Variants in CYP1A2 observed in about 807,000 individuals in gnomAD.
The protein encoded by CYP1A2 is cytochrome P450 family 1 subfamily A member 2, also known as cytochrome P450 1A2.
Under a neutral mutation model 34.7 loss-of-function variants are expected in CYP1A2, and 35 were observed. The ratio of observed to expected loss-of-function variants is 1.01; its 90% CI spans 0.77 to 1.34. The LOEUF (loss-of-function observed/expected upper bound fraction) is 1.34, where lower values mean the gene tolerates loss of function less well. Among genes scored for constraint, CYP1A2 ranks in the 40% most tolerant of loss-of-function variants. The pLI is 0.00. For missense variants in CYP1A2, 675 were observed against 675.8 expected, an observed-to-expected ratio of 1.00 and a Z score of 0.01; for synonymous variants, 288 against 281.9, an observed-to-expected ratio of 1.02 and a Z score of -0.22.
chr15:74,755,152 G>A lies in CYP1A2; in HGVS notation c.*64G>A. Reference sequence around the variant, plus strand: ...GGCCAGCCACGGGGACTCAGCCCTTGTTTCTCTTCCTTTCTTTTTTTAAAA... The same window carrying A: ...GGCCAGCCACGGGGACTCAGCCCTTATTTCTCTTCCTTTCTTTTTTTAAAA... On this transcript the variant is annotated 3_prime_UTR_variant, in exon 7 of 7. Transcript: ENST00000343932. 6.5e-7 allele frequency: 1 copy of A among 1,532,056 alleles called. No homozygotes were observed. Among genetic ancestry groups the A allele is most frequent in the Middle Eastern group, 2.3e-4 (1 of 4,344 alleles). The allele number at this position is 1,532,056 out of a possible 1,614,324, so 94.9% of individuals were successfully genotyped here.
chr15:74,752,264 C>T lies in CYP1A2; in HGVS notation c.1166+17C>T. 1 of 1,613,274 alleles carries T rather than the reference C, an allele frequency of 6.2e-7. No individual in the cohort carries two copies. Among genetic ancestry groups the T allele is most frequent in the Non-Finnish European group, 8.5e-7 (1 of 1,179,546 alleles). ...CCCCCACAGGTGAGGCCTGCCGGTT[C>T]TGCCCTCCCACCTCTAAAGTGCTTG... On this transcript the variant is annotated intron_variant, in intron 5 of 6. Coordinates refer to ENST00000343932, the MANE Select transcript of CYP1A2 (RefSeq NM_000761.5).
intron 2 of CYP1A2, among the ~76,000 whole-genome samples, chr15:74,750,805 G>A (rs1196851838): frequency 6.6e-6 from 1 of 152,146 alleles, no homozygotes; most frequent in African/African-American, 2.4e-5. Flanking sequence ...AAAAGCCCTG[G>A]AAATGGGGCC....
chr15:74,749,582 C>T (rs1484476862), intron 1 of CYP1A2, 148 bp from the exon 2 acceptor site: 15 of 657,108 alleles, frequency 2.3e-5, no homozygotes, highest in East Asian at 1.1e-4. Context: ...GGGCCCAGGA[C>T]GCATGGTAGA....
chr15:74,750,378 G>A lies in CYP1A2; in HGVS notation c.640G>A (p.Asp214Asn), dbSNP rs747544962. ...CFGQHFPESS[D>N]EMLSLVKNTH... ...CGGACAGCACTTCCCTGAGAGTAGC[G>A]ATGAGATGCTCAGCCTCGTGAAGAA... The change falls in exon 2 of 7, where the codon GAT becomes AAT. Residue 214 changes from aspartate to asparagine, a missense_variant. By Grantham distance (23) the Asp-to-Asn change is conservative. Transcript: ENST00000343932. The A allele has an allele frequency of 3.7e-6, 6 of 1,614,066 alleles. No homozygotes were observed. The highest frequency in any genetic ancestry group is 1.6e-4 in the Middle Eastern group (1 of 6,084).
rs774018071 is a variant in CYP1A2, at chr15:74,750,328, C to T, written c.590C>T (p.Ala197Val). ...TACAATCAGGTGGTGGTGTCAGTGG[C>T]CAACGTCATTGGTGCCATGTGCTTC... ...DPYNQVVVSV[A>V]NVIGAMCFGQ... The change falls in exon 2 of 7, where the codon GCC becomes GTC. Residue 197 changes from alanine to valine, a missense_variant. Physicochemically the swap from Ala to Val is moderately conservative, Grantham distance 64. Transcript: ENST00000343932. 6.2e-7 allele frequency: 1 copy of T among 1,614,002 alleles called. No homozygotes were observed. The highest frequency in any genetic ancestry group is 1.1e-5 in the South Asian group (1 of 91,072).
chr15:74,752,383 C>A, intron 5 of CYP1A2, 136 bp downstream of exon 5: 1 of 1,243,828 alleles, frequency 8.0e-7, no homozygotes, highest in Non-Finnish European at 1.1e-6. Context: ...CAGTCTGCCC[C>A]CATCCAGTCC....
intron 4 of CYP1A2, 90 bp downstream of exon 4, chr15:74,751,944 G>A (rs978066753): frequency 6.3e-5 from 96 of 1,518,964 alleles, no homozygotes; most frequent in Non-Finnish European, 8.1e-5. Context: ...TGTGCCTGCT[G>A]TGTGCAAGCC....
At chr15:74,749,508 G>T (rs1439387732) in intron 1 of CYP1A2, among the ~76,000 whole-genome samples, 1 of 152,184 alleles carries the variant, frequency 6.6e-6, no homozygotes, top group African/African-American at 2.4e-5. Context: ...CAGCGTTCAT[G>T]TTGGGAATCT....
chr15:74,753,344 C>T, intron 6 of CYP1A2, 74 bp downstream of exon 6: 1 of 1,216,942 alleles, frequency 8.2e-7, no homozygotes, highest in Admixed American at 1.8e-5. Flanking sequence ...CTGCTAGGAA[C>T]TGTTTATATA....
intron 6 of CYP1A2, among the ~76,000 whole-genome samples, chr15:74,753,951 GT>G (rs2141740949): frequency 6.6e-6 from 1 of 152,200 alleles, no homozygotes; most frequent in African/African-American, 2.4e-5. Flanking sequence ...TGCTATCAAT[GT>G]TTATGCTAGT....
chr15:74,751,209 G>T lies in CYP1A2; in HGVS notation c.852G>T (p.Thr284=). The T allele has an allele frequency of 1.2e-6, 2 of 1,614,064 alleles. No homozygotes were observed. The highest frequency in any genetic ancestry group is 1.7e-6 in the Non-Finnish European group (2 of 1,179,988). ...CTCAGAACAGTGTCCGGGACATCAC[G>T]GGTGCCCTGTTCAAGCACAGCAAGA... The part of the protein sequence containing the change: ...DFDKNSVRDI[T]GALFKHSKKG... Residue 284 remains threonine (T), a synonymous_variant, in exon 3 of 7, where the codon ACG becomes ACT. Coordinates refer to ENST00000343932, the MANE Select transcript of CYP1A2 (RefSeq NM_000761.5).
At position 74,750,473 on chromosome 15, in the gene CYP1A2, G is replaced by A. The variant is rs778744251; in HGVS notation, c.735G>A (p.Leu245=). ...PLDFFPILRY[L]PNPALQRFKA... ...ACTTCTTCCCCATCCTTCGCTACCT[G>A]CCTAACCCTGCCCTGCAGAGGTTCA... Residue 245 remains leucine (L), a synonymous_variant, in exon 2 of 7, where the codon CTG becomes CTA. Transcript: ENST00000343932. 5.6e-6 allele frequency: 9 copies of A among 1,614,194 alleles called. No homozygotes were observed. Among genetic ancestry groups the A allele is most frequent in the South Asian group, 2.2e-5 (2 of 91,086 alleles).
chr15:74,754,376 A>G (rs1596359090), intron 6 of CYP1A2, among the ~76,000 whole-genome samples: 2 of 146,552 alleles, frequency 1.4e-5, no homozygotes, highest in South Asian at 4.5e-4. Context: ...AGTCCGAGGA[A>G]GGTGGATCGC....
chr15:74,754,814 A>T lies in CYP1A2; in HGVS notation c.1277A>T (p.Glu426Val). 4 of 1,612,780 alleles carry T rather than the reference A, an allele frequency of 2.5e-6. No individual in the cohort carries two copies. Among genetic ancestry groups the T allele is most frequent in the Non-Finnish European group, 3.4e-6 (4 of 1,178,882 alleles). Residue 426 changes from glutamate (E) to valine (V), a missense_variant, in exon 7 of 7, where the codon GAG (glutamate) becomes GTG (valine). Coordinates refer to ENST00000343932, the MANE Select transcript of CYP1A2 (RefSeq NM_000761.5). ...AGAGAGCTGTGGGAGGACCCCTCTG[A>T]GTTCCGGCCTGAGCGGTTCCTCACC... ...HDPELWEDPSEFRPERFLTAD... is the reference protein window; with the variant it reads ...HDPELWEDPSVFRPERFLTAD...
rs1252415879 is a variant in CYP1A2 at position 74,754,987 on chromosome 15, C to T, written c.1450C>T (p.Pro484Ser). Reference sequence around the variant, plus strand: ...GCTACAGCAACTGGAGTTCAGCGTGCCGCCGGGCGTGAAAGTCGACCTGAC... The same window carrying T: ...GCTACAGCAACTGGAGTTCAGCGTGTCGCCGGGCGTGAAAGTCGACCTGAC... ...ILLQQLEFSV[P>S]PGVKVDLTPI... The change falls in exon 7 of 7, where the codon CCG (proline) becomes TCG (serine). Residue 484 changes from proline (P) to serine (S), a missense_variant. By Grantham distance (74) the Pro-to-Ser change is moderately conservative (BLOSUM62 -1). Coordinates refer to ENST00000343932, the MANE Select transcript of CYP1A2 (RefSeq NM_000761.5). The T allele has an allele frequency of 1.2e-6, 2 of 1,614,134 alleles. No individual in the cohort carries two copies. The highest frequency in any genetic ancestry group is 3.3e-5 in the Admixed American group (2 of 60,004).
chr15:74,751,091 G>A, intron 2 of CYP1A2, 98 bp from the exon 3 acceptor site: 2 of 1,515,972 alleles, frequency 1.3e-6, no homozygotes, highest in Non-Finnish European at 1.8e-6. Flanking sequence ...GAGGATAGGG[G>A]GGTACCCAGC....
In CYP1A2 at chr15:74,755,012, C is replaced by T; in HGVS notation, c.1475C>T (p.Thr492Ile). The stretch of plus-strand genomic sequence containing the variant: ...CCGCCGGGCGTGAAAGTCGACCTGA[C>T]CCCCATCTACGGGCTGACCATGAAG... Reference protein sequence around the residue: ...SVPPGVKVDLTPIYGLTMKHA... With the variant: ...SVPPGVKVDLIPIYGLTMKHA... Residue 492 changes from threonine (T) to isoleucine (I), a missense_variant, in exon 7 of 7, where the codon ACC becomes ATC. Thr to Ile is a moderately conservative substitution (Grantham distance 89). Coordinates refer to ENST00000343932, the MANE Select transcript of CYP1A2 (RefSeq NM_000761.5). The T allele has an allele frequency of 6.2e-7, 1 of 1,614,156 alleles. No individual in the cohort carries two copies. The highest frequency in any genetic ancestry group is 8.5e-7 in the Non-Finnish European group (1 of 1,180,024).
At chr15:74,754,711 A>G in intron 6 of CYP1A2, 80 bp from the exon 7 acceptor site, 1 of 1,445,694 alleles carries the variant, frequency 6.9e-7, no homozygotes, top group Non-Finnish European at 9.5e-7. Flanking sequence ...TGTGTTCTCA[A>G]CAGAAGTCTC....
intron 5 of CYP1A2, among the ~76,000 whole-genome samples, chr15:74,752,551 A>G (rs1890297346): frequency 6.6e-6 from 1 of 152,090 alleles, no homozygotes; most frequent in Non-Finnish European, 1.5e-5. Flanking sequence ...AATCTTGCTA[A>G]CGCTGAACCT....
Sources: allele counts gnomAD v4.1 joint callset (sites outside exome capture counted in the v4.1 genomes callset), GRCh38; gene constraint gnomAD v4.1.1; transcripts MANE v1.5; gene names NCBI Gene and HGNC (gene_info 2026-07-23, HGNC 2026-07-21).